IFNG-AS1: variants seen among roughly 807,000 people sequenced by gnomAD.
IFNG-AS1 encodes IFNG antisense RNA 1 (non-protein coding).
chr12:68,003,292 C>A (rs1160240813), intron 2 of IFNG-AS1, among the ~76,000 whole-genome samples: 1 of 152,074 alleles, frequency 6.6e-6, no homozygotes, highest in Non-Finnish European at 1.5e-5. Flanking sequence ...TTTGAATCTT[C>A]CTATCCAGGC....
intron 2 of IFNG-AS1, among the ~76,000 whole-genome samples, chr12:68,000,988 C>A (rs1471064811): frequency 6.6e-6 from 1 of 152,144 alleles, no homozygotes; most frequent in South Asian, 2.1e-4. Flanking sequence ...GGCCTGGCAT[C>A]CTTACTCTAT....
chr12:67,997,525 A>G (rs937278646), intron 2 of IFNG-AS1, among the ~76,000 whole-genome samples: 1 of 151,924 alleles, frequency 6.6e-6, no homozygotes, highest in African/African-American at 2.4e-5. Context: ...ATAAATGTAA[A>G]AAAAAATTTT....
chr12:67,994,543 C>A (rs536462964), intron 1 of IFNG-AS1, among the ~76,000 whole-genome samples: 3 of 152,138 alleles, frequency 2.0e-5, no homozygotes, highest in Non-Finnish European at 4.4e-5. Context: ...CCCCTATATA[C>A]AATTACCTAA....
intron 1 of IFNG-AS1, among the ~76,000 whole-genome samples, chr12:67,991,627 C>G (rs763444928): frequency 6.6e-6 from 1 of 152,214 alleles, no homozygotes; most frequent in African/African-American, 2.4e-5. Flanking sequence ...CAAAGGAAAG[C>G]CCGCAAGATG....
At chr12:68,013,377 T>C (rs1880076161) in intron 3 of IFNG-AS1, among the ~76,000 whole-genome samples, 1 of 152,176 alleles carries the variant, frequency 6.6e-6, no homozygotes, top group South Asian at 2.1e-4. Flanking sequence ...CAAGCAGTTG[T>C]CTTGACCTCA....
At chr12:68,016,877 G>A (rs958100277) in intron 3 of IFNG-AS1, among the ~76,000 whole-genome samples, 19 of 152,282 alleles carry the variant, frequency 1.2e-4, no homozygotes, top group Non-Finnish European at 1.3e-4. Context: ...TCTGCCCTGG[G>A]CCATGCCCTG....
At position 67,994,642 on chromosome 12, in the gene IFNG-AS1, A is replaced by G. The variant is rs79412002; in HGVS notation, n.52-1299A>G. On this transcript the variant is annotated intron_variant and non_coding_transcript_variant, in intron 1 of 5. Transcript: ENST00000536914. ...CACAACATGTCTGCCGCTATTCTAA[A>G]CATTGTAAGGCTGAAGAAATAAGAC... Among the ~76,000 whole-genome samples the G allele has an allele frequency of 4.0e-3, 602 of 152,340 alleles. 3 individuals are homozygous for G. The highest frequency in any genetic ancestry group is 0.014 in the African/African-American group (568 of 41,570).
At chr12:68,017,927 A>G (rs1880192791) in intron 3 of IFNG-AS1, among the ~76,000 whole-genome samples, 1 of 152,198 alleles carries the variant, frequency 6.6e-6, no homozygotes, top group Admixed American at 6.6e-5. Flanking sequence ...AAACATTTGG[A>G]GTACTTCCCA....
chr12:68,016,237 C>A (rs921038567), intron 3 of IFNG-AS1, among the ~76,000 whole-genome samples: 1 of 152,050 alleles, frequency 6.6e-6, no homozygotes, highest in African/African-American at 2.4e-5. Context: ...CGATGCATAC[C>A]GTGGAGTCAT....
At chr12:67,994,034 C>T (rs1173675190) in intron 1 of IFNG-AS1, among the ~76,000 whole-genome samples, 1 of 152,130 alleles carries the variant, frequency 6.6e-6, no homozygotes, top group Non-Finnish European at 1.5e-5. Flanking sequence ...CCATCATGTT[C>T]CCCCCAAAAC....
At chr12:68,013,039 G>C (rs1880068802) in intron 3 of IFNG-AS1, among the ~76,000 whole-genome samples, 1 of 152,180 alleles carries the variant, frequency 6.6e-6, no homozygotes, top group African/African-American at 2.4e-5. Flanking sequence ...GATAGAGCTG[G>C]AAAGACCAAG....
intron 4 of IFNG-AS1, chr12:68,021,042 TCTC>T (rs933818753): frequency 6.6e-6 from 1 of 152,130 alleles, no homozygotes; most frequent in Non-Finnish European, 1.5e-5. Flanking sequence ...CTCCCAAAAT[TCTC>T]CTCCTAAGTG....
At chr12:67,990,207 C>G (rs1366229701) in intron 1 of IFNG-AS1, among the ~76,000 whole-genome samples, 1 of 152,194 alleles carries the variant, frequency 6.6e-6, no homozygotes, top group Non-Finnish European at 1.5e-5. Flanking sequence ...TTTTCCCAGC[C>G]ATATTGCCAA....
At chr12:68,003,424 C>CTTTTT (rs530422946) in intron 2 of IFNG-AS1, among the ~76,000 whole-genome samples, 1 of 136,508 alleles carries the variant, frequency 7.3e-6, no homozygotes. Flanking sequence ...CATATTCCCC[C>CTTTTT]CTTTTTTTTT....
At chr12:67,999,701 C>T (rs896712761) in intron 2 of IFNG-AS1, among the ~76,000 whole-genome samples, 3 of 151,978 alleles carry the variant, frequency 2.0e-5, no homozygotes, top group Admixed American at 6.5e-5. Flanking sequence ...TTATAATTAA[C>T]GAGTGTCAAA....
At chr12:68,003,866 C>G (rs1254467345) in intron 2 of IFNG-AS1, among the ~76,000 whole-genome samples, 1 of 149,886 alleles carries the variant, frequency 6.7e-6, no homozygotes, top group Non-Finnish European at 1.5e-5. Context: ...GAGATCGCCC[C>G]ACTGCACTCC....
At position 68,003,636 on chromosome 12, in the gene IFNG-AS1, C is replaced by T. The variant is rs184644494; in HGVS notation, n.185-2454C>T. ...AAAGCTTACAGAATCCGTATTAGGC[C>T]GGGCGTGGTGGCTCACGCCTGTAAT... On this transcript the variant is annotated intron_variant and non_coding_transcript_variant, in intron 2 of 5. Coordinates refer to ENST00000536914, the Ensembl canonical transcript of IFNG-AS1. Among the ~76,000 whole-genome samples, 304 of 152,148 alleles carry T rather than the reference C, an allele frequency of 2.0e-3. 1 individual carries two copies. The highest frequency in any genetic ancestry group is 2.9e-3 in the Non-Finnish European group (198 of 68,002).
rs189866206 is a variant in IFNG-AS1 at position 68,003,838 on chromosome 12, C to T, written n.185-2252C>T. ...AGGAGAATGACGTGAACCTGGGAGG[C>T]GGAGCTTGCAGTGAACCGAGATCGC... On this transcript the variant is annotated intron_variant and non_coding_transcript_variant, in intron 2 of 5. Transcript: ENST00000536914. Among the ~76,000 whole-genome samples, 116 of 149,462 alleles carry T rather than the reference C, an allele frequency of 7.8e-4. 2 individuals carry two copies. In the East Asian group the frequency reaches 0.013, roughly 17 times the overall value.
At chr12:68,016,714 T>G (rs1880163904) in intron 3 of IFNG-AS1, among the ~76,000 whole-genome samples, 1 of 152,200 alleles carries the variant, frequency 6.6e-6, no homozygotes, top group Non-Finnish European at 1.5e-5. Context: ...CTGTATTTGC[T>G]TTTAAGTGGA....
Sources: allele counts gnomAD v4.1 joint callset (sites outside exome capture counted in the v4.1 genomes callset), GRCh38; gene constraint gnomAD v4.1.1; transcripts MANE v1.5; gene names NCBI Gene and HGNC (gene_info 2026-07-23, HGNC 2026-07-21).